Variants in SUFU observed in about 807,000 individuals in gnomAD.
SUFU encodes suppressor of fused homolog.
In SUFU, 7 loss-of-function variants were observed where a neutral mutation model predicts 58.9. The ratio of observed to expected loss-of-function variants is 0.12; its 90% CI spans 0.07 to 0.22. The LOEUF (loss-of-function observed/expected upper bound fraction) is 0.22. SUFU is among the 10% of genes least tolerant of loss of function. SUFU has a pLI of 1.00. For synonymous variants in SUFU, 232 were observed against 254.8 expected, an observed-to-expected ratio of 0.91 and a Z score of 0.85; for missense variants, 451 against 641.3, an observed-to-expected ratio of 0.70 and a Z score of 3.20.
chr10:102,551,708 A>T (rs2135747497), intron 3 of SUFU, among the ~76,000 whole-genome samples: 7 of 138,928 alleles, frequency 5.0e-5, no homozygotes, highest in Admixed American at 1.5e-4. Flanking sequence ...AATTATTATT[A>T]TGTGCCTTCT....
chr10:102,614,867 C>T (rs1486840912), intron 8 of SUFU, among the ~76,000 whole-genome samples: 4 of 148,324 alleles, frequency 2.7e-5, no homozygotes, highest in African/African-American at 9.9e-5. Context: ...TAGAACGAGA[C>T]ACCATCTCAA....
At chr10:102,522,193 A>G (rs940472823) in intron 2 of SUFU, among the ~76,000 whole-genome samples, 2 of 152,242 alleles carry the variant, frequency 1.3e-5, no homozygotes, top group African/African-American at 2.4e-5. Flanking sequence ...ACCCACTGCC[A>G]TGTTACATTA....
chr10:102,513,883 ATTTATT>A (rs1213312995), intron 2 of SUFU, among the ~76,000 whole-genome samples: 1 of 151,902 alleles, frequency 6.6e-6, no homozygotes, highest in Non-Finnish European at 1.5e-5. Context: ...ACTGATATGA[ATTTATT>A]TTTATTTTTA....
At chr10:102,519,797 A>G (rs2135663124) in intron 2 of SUFU, among the ~76,000 whole-genome samples, 1 of 152,026 alleles carries the variant, frequency 6.6e-6, no homozygotes, top group East Asian at 1.9e-4. Context: ...TTTGAGATGG[A>G]GTCTCGCTCT....
chr10:102,594,196 C>G (rs1214830316), intron 6 of SUFU, 131 bp downstream of exon 6: 1 of 920,714 alleles, frequency 1.1e-6, no homozygotes, highest in Non-Finnish European at 1.7e-6. Flanking sequence ...TCACTTGGAA[C>G]TTGTCCCCTG....
intron 8 of SUFU, among the ~76,000 whole-genome samples, chr10:102,604,487 A>G (rs1431641887): frequency 1.3e-5 from 2 of 152,220 alleles, no homozygotes; most frequent in Non-Finnish European, 2.9e-5. Context: ...CTGGTGCTTG[A>G]ATTCTCAGTC....
chr10:102,619,316 C>T lies in SUFU; in HGVS notation c.1296+1888C>T, dbSNP rs1269128657. On this transcript the variant is annotated intron_variant, in intron 10 of 11. Coordinates refer to ENST00000369902, the MANE Select transcript of SUFU (RefSeq NM_016169.4). The surrounding 1 kb of genome is among the most constrained non-coding windows in gnomAD (Gnocchi z 4.2). ...CAACCCCCTCACCTCCCTGGCAGCC[C>T]CTCAGCGAGCCTGAGGCCCAGCACC... 7.0e-7 allele frequency: 1 copy of T among 1,434,882 alleles called. No homozygotes were observed. Among genetic ancestry groups the T allele is most frequent in the Non-Finnish European group, 9.1e-7 (1 of 1,097,682 alleles). 88.9% of individuals were successfully genotyped at this position (1,434,882 alleles called of 1,614,324 possible).
At chr10:102,507,518 G>GC (rs1246940237) in intron 1 of SUFU, among the ~76,000 whole-genome samples, 4 of 152,186 alleles carry the variant, frequency 2.6e-5, no homozygotes, top group African/African-American at 9.7e-5. Flanking sequence ...ATCAGTTAAG[G>GC]CAGACATGGA....
intron 2 of SUFU, among the ~76,000 whole-genome samples, chr10:102,531,691 T>C (rs966336129): frequency 6.6e-6 from 1 of 152,040 alleles, no homozygotes; most frequent in Non-Finnish European, 1.5e-5. Context: ...AAGTAAGATA[T>C]TGGAGGAAGG....
At chr10:102,627,408 G>A (rs1590092336) in intron 11 of SUFU, among the ~76,000 whole-genome samples, 165 bp downstream of exon 11, 1 of 152,240 alleles carries the variant, frequency 6.6e-6, no homozygotes, top group East Asian at 1.9e-4. Context: ...AAGGTGCAGG[G>A]ATAGGCTGGA....
chr10:102,594,461 G>C (rs143299516), intron 6 of SUFU, among the ~76,000 whole-genome samples: 2 of 152,216 alleles, frequency 1.3e-5, no homozygotes, highest in East Asian at 3.9e-4. Context: ...CAGTAGTGTA[G>C]GTGATACTGA....
At chr10:102,572,741 C>A in intron 3 of SUFU, 1 of 737,020 alleles carries the variant, frequency 1.4e-6, no homozygotes, top group Non-Finnish European at 2.5e-6. Flanking sequence ...TTTAGAATTA[C>A]CCAGCTGGAC....
upstream of SUFU, among the ~76,000 whole-genome samples, chr10:102,503,267 A>T (rs1002514604): frequency 2.6e-5 from 4 of 152,192 alleles, no homozygotes; most frequent in African/African-American, 9.7e-5. Context: ...AAGTTTAAAA[A>T]CCTGTACATT....
At chr10:102,594,468 C>T (rs2063439721) in intron 6 of SUFU, among the ~76,000 whole-genome samples, 1 of 152,142 alleles carries the variant, frequency 6.6e-6, no homozygotes, top group Middle Eastern at 3.2e-3. Flanking sequence ...GTAGGTGATA[C>T]TGACTCCATG....
At chr10:102,583,799 G>A (rs2063308727) in intron 3 of SUFU, among the ~76,000 whole-genome samples, 2 of 152,088 alleles carry the variant, frequency 1.3e-5, no homozygotes, top group South Asian at 2.1e-4. Flanking sequence ...TTGGTGTGCT[G>A]CACCGATTAA....
At chr10:102,516,768 G>C (rs1349682551) in intron 2 of SUFU, among the ~76,000 whole-genome samples, 2 of 151,742 alleles carry the variant, frequency 1.3e-5, no homozygotes, top group Non-Finnish European at 2.9e-5. Flanking sequence ...GGATGGTCTC[G>C]ATCTCTTGAC....
chr10:102,619,438 A>C lies in SUFU; in HGVS notation c.1296+2010A>C. The C allele has an allele frequency of 7.6e-7, 1 of 1,307,594 alleles. No individual in the cohort carries two copies. 81.0% of individuals were successfully genotyped at this position (1,307,594 alleles called of 1,614,324 possible). ...CTGCTGGCCTCGGCATGTTTCAATA[A>C]AGTTGCTGTGCTGGGAGCTACTCAA... On this transcript the variant is annotated intron_variant, in intron 10 of 11. Coordinates refer to ENST00000369902, the MANE Select transcript of SUFU (RefSeq NM_016169.4). This position sits in a 1 kb window ranked among gnomAD's most constrained non-coding sequence, Gnocchi z 4.2.
At chr10:102,544,718 AAG>A (rs1277414406) in intron 2 of SUFU, among the ~76,000 whole-genome samples, 1 of 152,096 alleles carries the variant, frequency 6.6e-6, no homozygotes, top group East Asian at 1.9e-4. Context: ...AACAACAAAA[AAG>A]AATTTCCATC....
chr10:102,624,546 G>T (rs1271083505), intron 10 of SUFU, among the ~76,000 whole-genome samples: 1 of 152,304 alleles, frequency 6.6e-6, no homozygotes, highest in South Asian at 2.1e-4. Flanking sequence ...ATAACGTGAA[G>T]TTTCCAGCGG....
Sources: gnomAD v4.1 joint callset for allele counts (sites outside exome capture counted in the v4.1 genomes callset) on GRCh38, gnomAD v4.1.1 for gene constraint, Gnocchi (gnomAD v3.1) non-coding constraint, MANE v1.5 for transcripts, NCBI Gene and HGNC (gene_info 2026-07-23, HGNC 2026-07-21) for gene names.